Variants in LETM1 observed in about 807,000 individuals in gnomAD.
The protein encoded by LETM1 is leucine zipper and EF-hand containing transmembrane protein 1, also known as mitochondrial proton/calcium exchanger protein.
In LETM1, 50 loss-of-function variants were observed where a neutral mutation model predicts 74.5. That is an observed-to-expected ratio of 0.67 (90% CI 0.53 to 0.85). The LOEUF (loss-of-function observed/expected upper bound fraction) is 0.85, where lower values mean the gene tolerates loss of function less well. LETM1 is among the 40% of genes least tolerant of loss of function. LETM1 has a pLI of 0.00. For missense variants in LETM1, 824 were observed against 967.8 expected, an observed-to-expected ratio of 0.85 and a Z score of 1.97; for synonymous variants, 446 against 407.1, an observed-to-expected ratio of 1.10 and a Z score of -1.15.
chr4:1,855,916 C>A lies in LETM1; in HGVS notation c.35G>T (p.Arg12Leu). Residue 12 changes from arginine to leucine, a missense_variant, in exon 1 of 14, where the codon CGG (arginine) becomes CTG (leucine). By Grantham distance (102) the Arg-to-Leu change is moderately radical (BLOSUM62 -2). Coordinates refer to ENST00000302787, the MANE Select transcript of LETM1 (RefSeq NM_012318.3). ...CGGCGGCGGGAGGCGGGCGGGCGCC[C>A]GGCCGCGGCAGCTCCTCAGTAAGAT... is the stretch of plus-strand genomic sequence containing the variant. Reference protein sequence around the residue: ...ASILLRSCRGRAPARLPPPPR... With the variant: ...ASILLRSCRGLAPARLPPPPR... 1 of 1,237,324 alleles carries A rather than the reference C, an allele frequency of 8.1e-7. No individual in the cohort carries two copies. The highest frequency in any genetic ancestry group is 3.4e-5 in the South Asian group (1 of 29,198). The allele number at this position is 1,237,324 out of a possible 1,614,324, so 76.6% of individuals were successfully genotyped here.
chr4:1,837,551 T>C (rs1202272814), intron 3 of LETM1, among the ~76,000 whole-genome samples: 1 of 149,962 alleles, frequency 6.7e-6, no homozygotes, highest in Non-Finnish European at 1.5e-5. Context: ...AGCTGGCACA[T>C]GTGTTTTTTG....
intron 10 of LETM1, 24 bp downstream of exon 10, chr4:1,822,157 G>A (rs1017193194): frequency 7.3e-7 from 1 of 1,377,824 alleles, no homozygotes; most frequent in South Asian, 1.9e-5. Context: ...TCAGCCTCCA[G>A]GGCCCCAGAA....
intron 2 of LETM1, among the ~76,000 whole-genome samples, chr4:1,845,860 T>C (rs1010927823): frequency 6.6e-6 from 1 of 151,398 alleles, no homozygotes; most frequent in African/African-American, 2.4e-5. Context: ...ATAATTATTA[T>C]ATTATTATTT....
chr4:1,820,022 T>C (rs1711721247), intron 10 of LETM1, among the ~76,000 whole-genome samples: 2 of 152,222 alleles, frequency 1.3e-5, no homozygotes, highest in South Asian at 2.1e-4. Context: ...GCTGCAGGCT[T>C]GATCTCCCAA....
In LETM1 at chr4:1,836,646, C is replaced by T. The variant is rs1577321196; in HGVS notation, c.595-74G>A. On this transcript the variant is annotated intron_variant, in intron 3 of 13. Coordinates refer to ENST00000302787, the MANE Select transcript of LETM1 (RefSeq NM_012318.3). The surrounding 1 kb of genome is among the most constrained non-coding windows in gnomAD (Gnocchi z 5.8). ...AAGGGCAAGGGGTGTGAGCATTTCTCCTATAATGGTTTATAGGCACAACCT... is the reference window on the plus strand; with the variant it reads ...AAGGGCAAGGGGTGTGAGCATTTCTTCTATAATGGTTTATAGGCACAACCT... 1 of 1,535,024 alleles carries T rather than the reference C, an allele frequency of 6.5e-7. No individual in the cohort carries two copies. The highest frequency in any genetic ancestry group is 9.0e-7 in the Non-Finnish European group (1 of 1,117,238).
chr4:1,855,841 G>A (rs1049977635), intron 1 of LETM1, 28 bp downstream of exon 1: 12 of 1,204,658 alleles, frequency 1.0e-5, no homozygotes, highest in East Asian at 3.5e-5. Flanking sequence ...CCGGGAGCCG[G>A]CCCCGCCCTG....
At chr4:1,852,248 C>T (rs1420007001) in intron 1 of LETM1, among the ~76,000 whole-genome samples, 1 of 152,194 alleles carries the variant, frequency 6.6e-6, no homozygotes, top group Non-Finnish European at 1.5e-5. Context: ...TGATCATTCA[C>T]AAGAATGACT....
chr4:1,822,018 TC>T (rs563967413), intron 10 of LETM1, among the ~76,000 whole-genome samples, 162 bp downstream of exon 10: 10 of 152,052 alleles, frequency 6.6e-5, no homozygotes, highest in Non-Finnish European at 1.3e-4. Flanking sequence ...CCACCAAGCC[TC>T]CTAGGGGCCC....
At chr4:1,835,062 G>A (rs961036486) in intron 4 of LETM1, 80 bp from the exon 5 acceptor site, 10 of 1,376,402 alleles carry the variant, frequency 7.3e-6, no homozygotes, top group South Asian at 1.3e-5. Context: ...GCCTGTGCCC[G>A]ACCCCCACTC....
At position 1,814,636 on chromosome 4, in the gene LETM1, C is replaced by T. The variant is rs527448611; in HGVS notation, c.2071-63G>A. 2.3e-4 allele frequency: 331 copies of T among 1,468,460 alleles called. 2 individuals are homozygous for T. In the Middle Eastern group the frequency reaches 3.5e-3, roughly 15 times the overall value. The allele number at this position is 1,468,460 out of a possible 1,614,324, so 91.0% of individuals were successfully genotyped here. On this transcript the variant is annotated intron_variant, in intron 13 of 13. Coordinates refer to ENST00000302787, the MANE Select transcript of LETM1 (RefSeq NM_012318.3). ...GCCCTACAGCACAGTGAGGCAGAGG[C>T]GGGGCCAGCGCCGTCAGTCGCCCCA...
intron 7 of LETM1, 145 bp downstream of exon 7, chr4:1,825,419 C>G (rs1399300150): frequency 1.0e-6 from 1 of 975,122 alleles, no homozygotes; most frequent in Non-Finnish European, 1.5e-6. Context: ...AGAAACAGCC[C>G]AAACATCCTG....
intron 2 of LETM1, among the ~76,000 whole-genome samples, chr4:1,847,322 T>C (rs563963909): frequency 3.3e-4 from 49 of 147,052 alleles, no homozygotes; most frequent in Admixed American, 2.9e-3. Flanking sequence ...GCCTGGGCAA[T>C]GAACAGAATG....
At chr4:1,842,646 C>T (rs1157276535) in intron 2 of LETM1, among the ~76,000 whole-genome samples, 2 of 152,224 alleles carry the variant, frequency 1.3e-5, no homozygotes, top group South Asian at 2.1e-4. Context: ...AGAGCAGGCT[C>T]GAGGCCTCAC....
chr4:1,816,016 C>A (rs1395952997), intron 12 of LETM1, among the ~76,000 whole-genome samples: 1 of 152,276 alleles, frequency 6.6e-6, no homozygotes, highest in Non-Finnish European at 1.5e-5. Context: ...AGAAACACCA[C>A]CAGGTCCAGG....
chr4:1,849,155 T>C lies in LETM1; in HGVS notation c.137A>G (p.Asn46Ser), dbSNP rs761390527. 9.9e-6 allele frequency: 16 copies of C among 1,611,504 alleles called. No homozygotes were observed. The African/African-American group carries it at 1.7e-4, about 17-fold the overall frequency. Residue 46 changes from asparagine (N) to serine (S), a missense_variant, in exon 2 of 14, where the codon AAC becomes AGC. Coordinates refer to ENST00000302787, the MANE Select transcript of LETM1 (RefSeq NM_012318.3). ...LSCASTLGLR[N>S]CLNVPFGCCT... Reference sequence around the variant, plus strand: ...GTGATACTGATTTACTCACAGGCAGTTCCTCAACCCCAGGGTGCTGGCACA... The same window carrying C: ...GTGATACTGATTTACTCACAGGCAGCTCCTCAACCCCAGGGTGCTGGCACA...
chr4:1,823,838 T>C, intron 7 of LETM1, 63 bp from the exon 8 acceptor site: 1 of 1,524,866 alleles, frequency 6.6e-7, no homozygotes, highest in Non-Finnish European at 8.9e-7. Flanking sequence ...CCACAGCAGG[T>C]CCGCCCATCT....
rs188705630 is a variant in LETM1 at position 1,852,535 on chromosome 4, C to T, written c.83-3326G>A. Among the ~76,000 whole-genome samples, 33 of 152,296 alleles carry T rather than the reference C, an allele frequency of 2.2e-4. No individual in the cohort carries two copies. In the East Asian group the frequency reaches 3.5e-3, roughly 16 times the overall value. On this transcript the variant is annotated intron_variant, in intron 1 of 13. Coordinates refer to ENST00000302787, the MANE Select transcript of LETM1 (RefSeq NM_012318.3). The stretch of plus-strand genomic sequence containing the variant: ...CCCTGGAAGGGGCAGGAAGTTCCCA[C>T]CCTCTAATCACAGCATGGCCAGCAC...
At chr4:1,832,297 C>T (rs909390493) in intron 6 of LETM1, among the ~76,000 whole-genome samples, 2 of 151,218 alleles carry the variant, frequency 1.3e-5, no homozygotes, top group African/African-American at 2.4e-5. Context: ...ATCGAAACAC[C>T]GTCTCAAAAA....
chr4:1,854,743 A>C (rs1001950247), intron 1 of LETM1, among the ~76,000 whole-genome samples: 1 of 152,198 alleles, frequency 6.6e-6, no homozygotes, highest in African/African-American at 2.4e-5. Flanking sequence ...CAGTGAGCCA[A>C]GATCACACCA....
Sources: gnomAD v4.1 joint callset for allele counts (sites outside exome capture counted in the v4.1 genomes callset) on GRCh38, gnomAD v4.1.1 for gene constraint, Gnocchi (gnomAD v3.1) non-coding constraint, MANE v1.5 for transcripts, NCBI Gene and HGNC (gene_info 2026-07-23, HGNC 2026-07-21) for gene names.